SLC7A2: variants seen among roughly 807,000 people sequenced by gnomAD.
The protein encoded by SLC7A2 is cationic amino acid transporter 2.
A neutral mutation model predicts 58.9 loss-of-function variants in SLC7A2; 48 were observed. That is an observed-to-expected ratio of 0.82 (90% CI 0.65 to 1.04). The LOEUF (loss-of-function observed/expected upper bound fraction) is 1.04. Ranked by LOEUF, SLC7A2 falls within the 50% of genes least tolerant of loss-of-function variation. The pLI, the probability that SLC7A2 is intolerant of heterozygous loss-of-function variation, is 0.00. For missense variants in SLC7A2, 1,029 were observed against 818.8 expected, an observed-to-expected ratio of 1.26 and a Z score of -3.13; for synonymous variants, 363 against 314.5, an observed-to-expected ratio of 1.15 and a Z score of -1.63.
Position 17,568,386 on chromosome 8 carries a change from C to G in SLC7A2, c.*3240C>G, listed in dbSNP as rs1803363830. 1 of 152,030 alleles carries G rather than the reference C, an allele frequency of 6.6e-6. No individual in the cohort carries two copies. Among genetic ancestry groups the G allele is most frequent in the Admixed American group, 6.6e-5 (1 of 15,260 alleles). The allele number at this position is 152,030 out of a possible 1,614,324, so 9.4% of individuals were successfully genotyped here. ...TGATATATACTAAAATACTGATTATCTTAATCACATTTTCCCCAGAGATAA... is the reference window on the plus strand; with the variant it reads ...TGATATATACTAAAATACTGATTATGTTAATCACATTTTCCCCAGAGATAA... On this transcript the variant is annotated 3_prime_UTR_variant, in exon 13 of 13. Coordinates refer to ENST00000494857, the MANE Select transcript of SLC7A2 (RefSeq NM_001370338.1).
chr8:17,495,104 T>C (rs78042572), upstream of SLC7A2, among the ~76,000 whole-genome samples: 759 of 152,326 alleles, frequency 5.0e-3, 13 homozygotes, highest in African/African-American at 0.017. Flanking sequence ...AATAATTGCT[T>C]AAGTTTAAAA....
At chr8:17,536,542 A>G (rs1409119998) in intron 2 of SLC7A2, among the ~76,000 whole-genome samples, 1 of 152,194 alleles carries the variant, frequency 6.6e-6, no homozygotes, top group Admixed American at 6.5e-5. Context: ...CCAGCCTGCC[A>G]CAAAACAAAC....
At chr8:17,516,988 C>A (rs1054557872) in intron 2 of SLC7A2, among the ~76,000 whole-genome samples, 45 of 152,154 alleles carry the variant, frequency 3.0e-4, no homozygotes, top group African/African-American at 1.1e-3. Context: ...CTGAAGAGGA[C>A]TTTGAAATAG....
intron 1 of SLC7A2, among the ~76,000 whole-genome samples, chr8:17,500,799 TACACACACACAC>T (rs60002166): frequency 0.015 from 2,165 of 146,100 alleles, 36 homozygotes; most frequent in African/African-American, 0.038. Context: ...AACACACACA[TACACACACACAC>T]ACACACACAC....
upstream of SLC7A2, among the ~76,000 whole-genome samples, chr8:17,495,931 G>A (rs1363220516): frequency 6.6e-6 from 1 of 152,246 alleles, no homozygotes; most frequent in East Asian, 1.9e-4. Flanking sequence ...CTTCTGGAAT[G>A]AAGCCCCACA....
In SLC7A2 at chr8:17,564,936, TCCTGCCC is replaced by T; in HGVS notation, c.1781-12_1781-6del. The T allele has an allele frequency of 6.4e-7, 1 of 1,553,236 alleles. No individual in the cohort carries two copies. The highest frequency in any genetic ancestry group is 8.7e-7 in the Non-Finnish European group (1 of 1,153,650). ...TACCTGAAACATTGATTTTTTTTTT[TCCTGCCC>T]CAACAGGCTTCCTGATTTACTTTTC... On this transcript the variant is annotated splice_polypyrimidine_tract_variant and splice_region_variant and intron_variant, in intron 12 of 12. Transcript: ENST00000494857.
chr8:17,505,500 G>C (rs921847676), intron 2 of SLC7A2, among the ~76,000 whole-genome samples: 2 of 152,138 alleles, frequency 1.3e-5, no homozygotes, highest in African/African-American at 4.8e-5. Context: ...GGTGGATGCT[G>C]TTCCCTGGCC....
At chr8:17,532,856 G>A (rs1488201917) in intron 2 of SLC7A2, among the ~76,000 whole-genome samples, 1 of 152,032 alleles carries the variant, frequency 6.6e-6, no homozygotes, top group African/African-American at 2.4e-5. Flanking sequence ...TACTACTCAT[G>A]GAGTTTCTCA....
chr8:17,531,574 A>C (rs1471797578), intron 2 of SLC7A2, among the ~76,000 whole-genome samples: 1 of 151,964 alleles, frequency 6.6e-6, no homozygotes, highest in Non-Finnish European at 1.5e-5. Context: ...CTATTGATCA[A>C]TGATTCCAAA....
rs1203524331 is a variant in SLC7A2 at position 17,509,338 on chromosome 8, C to T, written c.-23+7036C>T. On this transcript the variant is annotated intron_variant, in intron 2 of 12. Transcript: ENST00000494857. Reference sequence around the variant, plus strand: ...TTCTTCTTCTTTTGAGACAGAGTTTCGCTCTGTCGCCCGTTGGAGTGCAGT... The same window carrying T: ...TTCTTCTTCTTTTGAGACAGAGTTTTGCTCTGTCGCCCGTTGGAGTGCAGT... 9.9e-5 allele frequency among the ~76,000 whole-genome samples: 15 copies of T among 152,142 alleles called. 1 individual carries two copies. In the South Asian group the frequency reaches 1.5e-3, roughly 15 times the overall value.
In SLC7A2 at chr8:17,544,592, T is replaced by C. The variant is rs1476877665; in HGVS notation, c.518T>C (p.Ile173Thr). 5 of 1,613,904 alleles carry C rather than the reference T, an allele frequency of 3.1e-6. No homozygotes were observed. Among genetic ancestry groups the C allele is most frequent in the Non-Finnish European group, 3.4e-6 (4 of 1,179,876 alleles). ...CCCGATTTTTTTGCTGTGTGCCTTA[T>C]ATTACTTCTAGCAGGTAAGAAAACC... ...EYPDFFAVCL[I>T]LLLAGLLSFG... Residue 173 changes from isoleucine to threonine, a missense_variant, in exon 4 of 13, where the codon ATA (isoleucine) becomes ACA (threonine). Transcript: ENST00000494857.
chr8:17,559,146 A>G (rs1219187323), intron 9 of SLC7A2, among the ~76,000 whole-genome samples: 2 of 152,196 alleles, frequency 1.3e-5, no homozygotes, highest in Admixed American at 6.5e-5. Context: ...AAGGATAAGT[A>G]AAGGCTGCCA....
chr8:17,559,233 G>A (rs1179192686), intron 9 of SLC7A2, among the ~76,000 whole-genome samples: 7 of 152,140 alleles, frequency 4.6e-5, no homozygotes, highest in African/African-American at 7.2e-5. Flanking sequence ...GTCCATTCTC[G>A]TGCTGCTAAT....
At chr8:17,514,788 C>A (rs2157648) in intron 2 of SLC7A2, among the ~76,000 whole-genome samples, 1 of 151,974 alleles carries the variant, frequency 6.6e-6, no homozygotes, top group Non-Finnish European at 1.5e-5. Context: ...TACCTGAAGT[C>A]TCAGAATCAT....
chr8:17,495,898 T>C (rs927528872), upstream of SLC7A2, among the ~76,000 whole-genome samples: 1 of 152,186 alleles, frequency 6.6e-6, no homozygotes, highest in Non-Finnish European at 1.5e-5. Flanking sequence ...CTGAGATACA[T>C]TGAGATTTTG....
intron 6 of SLC7A2, among the ~76,000 whole-genome samples, chr8:17,551,490 G>C (rs2285292): frequency 0.039 from 5,940 of 152,132 alleles, 208 homozygotes; most frequent in African/African-American, 0.084. Flanking sequence ...CCAGCTACTC[G>C]GGAGGCTGAG....
intron 12 of SLC7A2, 77 bp downstream of exon 12, chr8:17,563,788 G>A: frequency 1.2e-6 from 1 of 826,830 alleles, no homozygotes; most frequent in East Asian, 2.5e-5. Flanking sequence ...CCCCCATCCT[G>A]GGAATAAAGG....
Position 17,502,763 on chromosome 8 carries a change from C to T in SLC7A2, c.-23+461C>T, listed in dbSNP as rs575811050. ...CATTTTTCCTAGGGGAATCACTTCA[C>T]AAGGTTTTTGTTCAATGGACCTCAG... is the stretch of plus-strand genomic sequence containing the variant. On this transcript the variant is annotated intron_variant, in intron 2 of 12. Coordinates refer to ENST00000494857, the MANE Select transcript of SLC7A2 (RefSeq NM_001370338.1). Among the ~76,000 whole-genome samples the T allele has an allele frequency of 2.0e-5, 3 of 152,106 alleles. No homozygotes were observed. In the East Asian group the frequency reaches 5.8e-4, roughly 29 times the overall value.
chr8:17,507,492 G>T (rs926713168), intron 2 of SLC7A2, among the ~76,000 whole-genome samples: 58 of 152,034 alleles, frequency 3.8e-4, no homozygotes, highest in African/African-American at 1.4e-3. Flanking sequence ...GGAATTATAG[G>T]CATAAGCCAC....
Sources: gnomAD v4.1 joint callset for allele counts (sites outside exome capture counted in the v4.1 genomes callset) on GRCh38, gnomAD v4.1.1 for gene constraint, MANE v1.5 for transcripts, NCBI Gene and HGNC (gene_info 2026-07-23, HGNC 2026-07-21) for gene names.